The following ADGRL3 variants were observed in gnomAD, a reference collection of about 807,000 sequenced individuals.
The protein encoded by ADGRL3 is calcium-independent alpha-latrotoxin receptor 3.
Under a neutral mutation model 153.5 loss-of-function variants are expected in ADGRL3, and 62 were observed. The observed-to-expected ratio is 0.40, with a 90% CI of 0.33 to 0.50. ADGRL3 has a LOEUF of 0.50. Among genes scored for constraint, ADGRL3 ranks in the 20% least tolerant of loss-of-function variants. The probability of loss-of-function intolerance (pLI) is 0.47; values close to 1 mark genes in which losing one functional copy is unlikely to be tolerated. For missense variants in ADGRL3, 1,641 were observed against 1,859.4 expected (o/e 0.88, Z 2.16); for synonymous variants, 710 against 672.5 (o/e 1.06, Z -0.86).
At chr4:61,304,055 T>A (rs775339837) in intron 1 of ADGRL3, among the ~76,000 whole-genome samples, 1 of 152,204 alleles carries the variant, frequency 6.6e-6, no homozygotes, top group Non-Finnish European at 1.5e-5. Context: ...GTGACTGCTG[T>A]GCACAGATGT....
At chr4:61,380,587 A>G (rs2151888512) in intron 1 of ADGRL3, among the ~76,000 whole-genome samples, 1 of 152,140 alleles carries the variant, frequency 6.6e-6, no homozygotes, top group African/African-American at 2.4e-5. Context: ...AATTAAAGCA[A>G]TCTAGTACTC....
intron 13 of ADGRL3, among the ~76,000 whole-genome samples, chr4:61,924,622 C>G (rs2098786504): frequency 6.6e-6 from 1 of 152,148 alleles, no homozygotes; most frequent in Non-Finnish European, 1.5e-5. Flanking sequence ...CTACTGTTTC[C>G]TTTCACTTTA....
chr4:61,684,065 A>G (rs531015541), intron 6 of ADGRL3, among the ~76,000 whole-genome samples: 2 of 152,310 alleles, frequency 1.3e-5, no homozygotes, highest in East Asian at 3.9e-4. Context: ...ATGAAATATA[A>G]AATGCAAGAG....
intron 12 of ADGRL3, among the ~76,000 whole-genome samples, chr4:61,911,885 A>C (rs908854607): frequency 2.6e-5 from 4 of 152,148 alleles, no homozygotes; most frequent in African/African-American, 9.7e-5. Context: ...ATGAATTTAT[A>C]AAAATTTGGC....
At chr4:61,867,147 G>A (rs75930387) in intron 9 of ADGRL3, among the ~76,000 whole-genome samples, 121 of 152,086 alleles carry the variant, frequency 8.0e-4, no homozygotes, top group Admixed American at 1.4e-3. Context: ...AAGGAATTTT[G>A]CATTATTACA....
chr4:61,834,900 A>T (rs557573618), intron 9 of ADGRL3, among the ~76,000 whole-genome samples: 2 of 152,168 alleles, frequency 1.3e-5, no homozygotes, highest in African/African-American at 4.8e-5. Flanking sequence ...TAATCAGCCC[A>T]TTCCCCATGG....
At chr4:61,224,919 T>C (rs1052395229) in intron 1 of ADGRL3, among the ~76,000 whole-genome samples, 10 of 152,174 alleles carry the variant, frequency 6.6e-5, no homozygotes, top group Non-Finnish European at 1.5e-5. Context: ...TCCTCTTATT[T>C]ATTGAGCTTT....
intron 8 of ADGRL3, among the ~76,000 whole-genome samples, chr4:61,756,686 C>T (rs1242924106): frequency 6.6e-6 from 1 of 152,138 alleles, no homozygotes; most frequent in Non-Finnish European, 1.5e-5. Flanking sequence ...AAGGGCATCC[C>T]TGTCTTGTGC....
At chr4:62,060,840 A>G (rs1205743219) in intron 25 of ADGRL3, among the ~76,000 whole-genome samples, 1 of 151,982 alleles carries the variant, frequency 6.6e-6, no homozygotes, top group African/African-American at 2.4e-5. Context: ...TAGATTGAAA[A>G]TCTGCCATTG....
chr4:61,909,543 C>G lies in ADGRL3; in HGVS notation c.1888-17C>G. 10 of 1,585,282 alleles carry G rather than the reference C, an allele frequency of 6.3e-6. No individual in the cohort carries two copies. The highest frequency in any genetic ancestry group is 1.1e-5 in the South Asian group (1 of 88,802). ...ATGTGAGATCTCTTTCCTTTGTATTCCATTTAAAAATTATAGTTGAAATCT... is the reference window on the plus strand; with the variant it reads ...ATGTGAGATCTCTTTCCTTTGTATTGCATTTAAAAATTATAGTTGAAATCT... On this transcript the variant is annotated splice_polypyrimidine_tract_variant and intron_variant, in intron 11 of 26. Transcript: ENST00000683033.
intron 19 of ADGRL3, among the ~76,000 whole-genome samples, chr4:61,986,948 T>C (rs1259604156): frequency 6.6e-6 from 1 of 152,120 alleles, no homozygotes; most frequent in Non-Finnish European, 1.5e-5. Flanking sequence ...GAAGTTGAAG[T>C]GAACAGATTG....
At chr4:61,731,888 T>G (rs2096449089) in intron 7 of ADGRL3, among the ~76,000 whole-genome samples, 1 of 152,130 alleles carries the variant, frequency 6.6e-6, no homozygotes, top group African/African-American at 2.4e-5. Context: ...TGAATCATAC[T>G]AAAAATCAAG....
At chr4:61,289,299 C>T (rs1376871144) in intron 1 of ADGRL3, among the ~76,000 whole-genome samples, 1 of 151,994 alleles carries the variant, frequency 6.6e-6, no homozygotes, top group African/African-American at 2.4e-5. Flanking sequence ...AGCCTTTCCT[C>T]TGAGTAAAAT....
At chr4:61,599,507 A>T (rs530834079) in intron 5 of ADGRL3, among the ~76,000 whole-genome samples, 1 of 152,174 alleles carries the variant, frequency 6.6e-6, no homozygotes, top group African/African-American at 2.4e-5. Flanking sequence ...TAAGTTTTGT[A>T]TTTTTAGTAG....
At chr4:61,872,806 G>A (rs908687306) in intron 9 of ADGRL3, among the ~76,000 whole-genome samples, 2 of 152,152 alleles carry the variant, frequency 1.3e-5, no homozygotes, top group African/African-American at 2.4e-5. Context: ...CCATGGGCAA[G>A]GTGAGAAAAG....
At chr4:61,519,025 A>G (rs553104031) in intron 4 of ADGRL3, among the ~76,000 whole-genome samples, 1 of 152,300 alleles carries the variant, frequency 6.6e-6, no homozygotes, top group South Asian at 2.1e-4. Context: ...ACTAACTCCA[A>G]TGCCTGTACA....
chr4:61,486,873 C>T (rs2098200514), intron 2 of ADGRL3, among the ~76,000 whole-genome samples: 1 of 152,086 alleles, frequency 6.6e-6, no homozygotes, highest in Non-Finnish European at 1.5e-5. Flanking sequence ...TGTGATGTTG[C>T]CCTTCATTTA....
rs1354341244 is a variant in ADGRL3 at position 61,746,517 on chromosome 4, A to C, written c.1399+12963A>C. Among the ~76,000 whole-genome samples, 5 of 152,196 alleles carry C rather than the reference A, an allele frequency of 3.3e-5. No homozygotes were observed. The East Asian group carries it at 7.7e-4, about 23-fold the overall frequency. ...ATTATAACAAACTCTCTCTGAGACC[A>C]CAGTGCAATCAAACTAGAACTCAGG... is the stretch of plus-strand genomic sequence containing the variant. On this transcript the variant is annotated intron_variant, in intron 8 of 26. Transcript: ENST00000683033.
At chr4:61,856,571 TTC>T (rs1291106173) in intron 9 of ADGRL3, among the ~76,000 whole-genome samples, 6 of 138,024 alleles carry the variant, frequency 4.3e-5, no homozygotes, top group African/African-American at 1.3e-4. Flanking sequence ...CTCTCTCTCT[TTC>T]TCTCTCTCTT....
Sources: allele counts gnomAD v4.1 joint callset (sites outside exome capture counted in the v4.1 genomes callset), GRCh38; gene constraint gnomAD v4.1.1; transcripts MANE v1.5; gene names NCBI Gene and HGNC (gene_info 2026-07-23, HGNC 2026-07-21).